Variants in DSCAML1 observed in about 807,000 individuals in gnomAD.
DSCAML1 encodes the protein DS cell adhesion molecule like 1, also known as cell adhesion molecule DSCAML1.
In DSCAML1, 38 loss-of-function variants were observed where a neutral mutation model predicts 200.5. That is an observed-to-expected ratio of 0.19 (90% CI 0.15 to 0.25). The LOEUF (loss-of-function observed/expected upper bound fraction) is 0.25, where lower values mean the gene tolerates loss of function less well. Ranked by LOEUF, DSCAML1 falls within the 10% of genes least tolerant of loss-of-function variation. The probability of loss-of-function intolerance (pLI) is 1.00; values close to 1 mark genes in which losing one functional copy is unlikely to be tolerated. For missense variants in DSCAML1, 2,223 were observed against 2,858.8 expected (o/e 0.78, Z 5.07); for synonymous variants, 1,215 against 1,165.0 (o/e 1.04, Z -0.87).
At chr11:117,564,736 T>C (rs1016344594) in intron 3 of DSCAML1, among the ~76,000 whole-genome samples, 1 of 135,520 alleles carries the variant, frequency 7.4e-6, no homozygotes, top group Non-Finnish European at 1.7e-5. Flanking sequence ...CCTTCTTTCC[T>C]TCTCTTTCTT....
intron 16 of DSCAML1, among the ~76,000 whole-genome samples, chr11:117,467,190 CACA>C (rs1275307780): frequency 1.4e-3 from 170 of 120,858 alleles, no homozygotes; most frequent in South Asian, 3.7e-3. Context: ...CGCGTGCACA[CACA>C]CCTCCCCCCT....
chr11:117,511,536 C>G (rs2049617558), intron 8 of DSCAML1, among the ~76,000 whole-genome samples: 1 of 152,196 alleles, frequency 6.6e-6, no homozygotes, highest in African/African-American at 2.4e-5. Flanking sequence ...CTCCTCTTAG[C>G]ATCCTGCCAA....
chr11:117,509,588 G>T (rs1171130138), intron 8 of DSCAML1, among the ~76,000 whole-genome samples: 2 of 152,180 alleles, frequency 1.3e-5, no homozygotes, highest in East Asian at 3.9e-4. Flanking sequence ...GCAGCCTGGA[G>T]GGGGAAGAGA....
rs1346955852 is a variant in DSCAML1, at chr11:117,443,910, CCTT to C, written c.3835_3837del (p.Lys1279del). 2 of 1,610,256 alleles carry C rather than the reference CCTT, an allele frequency of 1.2e-6. No homozygotes were observed. The highest frequency in any genetic ancestry group is 1.7e-6 in the Non-Finnish European group (2 of 1,178,566). Reference sequence around the variant, plus strand: ...CCCTTGCCAGCAGGCTCGATGGTCACCTTCTCGCTGCTGTTGCCCCGGCCGGCA... The same window carrying C: ...CCCTTGCCAGCAGGCTCGATGGTCACCTCGCTGCTGTTGCCCCGGCCGGCA... On this transcript the variant is annotated inframe_deletion, in exon 21 of 33. Coordinates refer to ENST00000651296, the MANE Select transcript of DSCAML1 (RefSeq NM_020693.4).
In DSCAML1 at chr11:117,551,141, G is replaced by A. The variant is rs2137391966; in HGVS notation, c.512-18619C>T. ...GTTGAAGGGCCATAAAGTTTCCTCT[G>A]CATTAGTCCCTAAAAACGTGTAAAG... On this transcript the variant is annotated intron_variant, in intron 3 of 32. Coordinates refer to ENST00000651296, the MANE Select transcript of DSCAML1 (RefSeq NM_020693.4). Among the ~76,000 whole-genome samples, 4 of 152,324 alleles carry A rather than the reference G, an allele frequency of 2.6e-5. 2 individuals are homozygous for A. Among genetic ancestry groups the A allele is most frequent in the Admixed American group, 2.6e-4 (4 of 15,294 alleles).
chr11:117,570,590 G>C (rs776748005), intron 3 of DSCAML1, among the ~76,000 whole-genome samples: 71 of 152,208 alleles, frequency 4.7e-4, no homozygotes, highest in Non-Finnish European at 9.0e-4. Flanking sequence ...CATTTTTGGT[G>C]ACTGAGCAGT....
In DSCAML1 at chr11:117,518,595, T is replaced by C. The variant is rs2049823547; in HGVS notation, c.1381A>G (p.Met461Val). The C allele has an allele frequency of 6.2e-7, 1 of 1,613,972 alleles. No homozygotes were observed. Among genetic ancestry groups the C allele is most frequent in the Non-Finnish European group, 8.5e-7 (1 of 1,179,978 alleles). ...DGSHRTNQYT[M>V]SDGTTISHMN... Reference sequence around the variant, plus strand: ...TGGCTGATGGTGGTGCCGTCCGACATGGTGTACTGGTTGGTGCGGTGGCTG... The same window carrying C: ...TGGCTGATGGTGGTGCCGTCCGACACGGTGTACTGGTTGGTGCGGTGGCTG... The change falls in exon 7 of 33, where the codon ATG becomes GTG. Residue 461 changes from methionine to valine, a missense_variant. Physicochemically the swap from Met to Val is conservative, Grantham distance 21 (BLOSUM62 1). This residue lies in a region of DSCAML1 where 579 missense variants were observed against 721.5 expected (regional missense o/e 0.80). Coordinates refer to ENST00000651296, the MANE Select transcript of DSCAML1 (RefSeq NM_020693.4). The surrounding 1 kb of genome is among the most constrained non-coding windows in gnomAD (Gnocchi z 6.3).
chr11:117,743,587 C>T (rs1043765105), intron 3 of DSCAML1, among the ~76,000 whole-genome samples: 1 of 152,174 alleles, frequency 6.6e-6, no homozygotes, highest in African/African-American at 2.4e-5. Flanking sequence ...GCGTAACCAC[C>T]CTCTGGGCTC....
intron 24 of DSCAML1, 25 bp downstream of exon 24, chr11:117,438,859 TC>T: frequency 1.3e-6 from 2 of 1,515,788 alleles, no homozygotes; most frequent in Non-Finnish European, 8.8e-7. Context: ...TCCCCTATCT[TC>T]CCCCGCATCC....
chr11:117,701,927 G>A (rs1192957837), intron 3 of DSCAML1, among the ~76,000 whole-genome samples: 1 of 152,154 alleles, frequency 6.6e-6, no homozygotes, highest in African/African-American at 2.4e-5. Context: ...CCAGGTGCAG[G>A]GTAAACAGAC....
intron 3 of DSCAML1, among the ~76,000 whole-genome samples, chr11:117,595,478 AG>A (rs1173793087): frequency 6.6e-6 from 1 of 152,162 alleles, no homozygotes; most frequent in East Asian, 1.9e-4. Context: ...TATTCCAATG[AG>A]GGCTTTTATT....
chr11:117,583,330 CCCCT>C (rs2051078786), intron 3 of DSCAML1, among the ~76,000 whole-genome samples: 1 of 152,134 alleles, frequency 6.6e-6, no homozygotes, highest in South Asian at 2.1e-4. Flanking sequence ...ATGGCTTGTA[CCCCT>C]CTGCTCAAGA....
intron 3 of DSCAML1, among the ~76,000 whole-genome samples, chr11:117,581,263 G>A (rs2051033817): frequency 6.6e-6 from 1 of 152,176 alleles, no homozygotes; most frequent in Non-Finnish European, 1.5e-5. Flanking sequence ...TAAACACCAT[G>A]CATTAAGGCT....
At chr11:117,523,204 G>C (rs1447143642) in intron 5 of DSCAML1, among the ~76,000 whole-genome samples, 1 of 152,156 alleles carries the variant, frequency 6.6e-6, no homozygotes, top group African/African-American at 2.4e-5. Flanking sequence ...TGTGAACACT[G>C]CATTTACCTA....
intron 3 of DSCAML1, among the ~76,000 whole-genome samples, chr11:117,602,445 C>A (rs1211307190): frequency 2.6e-5 from 4 of 152,126 alleles, no homozygotes; most frequent in Non-Finnish European, 5.9e-5. Context: ...ACTGCAACCT[C>A]CGCCTCCTAG....
At chr11:117,690,498 T>C (rs2053476319) in intron 3 of DSCAML1, among the ~76,000 whole-genome samples, 1 of 152,258 alleles carries the variant, frequency 6.6e-6, no homozygotes, top group South Asian at 2.1e-4. Context: ...TGTGATTTCC[T>C]TGAGGCCTGT....
At chr11:117,781,012 A>G (rs1047556082) in intron 1 of DSCAML1, among the ~76,000 whole-genome samples, 2 of 152,194 alleles carry the variant, frequency 1.3e-5, no homozygotes, top group African/African-American at 4.8e-5. Flanking sequence ...AGAAAACCAC[A>G]GCCTTCGGGT....
intron 1 of DSCAML1, among the ~76,000 whole-genome samples, chr11:117,814,892 C>T (rs891238208): frequency 1.3e-5 from 2 of 152,196 alleles, no homozygotes; most frequent in African/African-American, 2.4e-5. Context: ...ATATGGTCCT[C>T]GGACATGAGA....
At chr11:117,484,416 C>T (rs116628407) in intron 11 of DSCAML1, among the ~76,000 whole-genome samples, 1 of 152,150 alleles carries the variant, frequency 6.6e-6, no homozygotes, top group African/African-American at 2.4e-5. Flanking sequence ...TCCAGGCCCC[C>T]GCACCAGCCT....
Sources: gnomAD v4.1 joint callset for allele counts (sites outside exome capture counted in the v4.1 genomes callset) on GRCh38, gnomAD v4.1.1 for gene constraint, gnomAD v4.1.1 regional missense constraint, Gnocchi (gnomAD v3.1) non-coding constraint, MANE v1.5 for transcripts, NCBI Gene and HGNC (gene_info 2026-07-23, HGNC 2026-07-21) for gene names.